The following CTNND2 variants were observed in gnomAD, a reference collection of about 807,000 sequenced individuals.
The protein encoded by CTNND2 is catenin delta-2.
A neutral mutation model predicts 144.4 loss-of-function variants in CTNND2; 22 were observed. The ratio of observed to expected loss-of-function variants is 0.15; its 90% CI spans 0.11 to 0.22. The LOEUF (loss-of-function observed/expected upper bound fraction) is 0.22. CTNND2 is among the 10% of genes least tolerant of loss of function. CTNND2 has a pLI of 1.00. For missense variants in CTNND2, 1,353 were observed against 1,618.8 expected, an observed-to-expected ratio of 0.84 and a Z score of 2.82; for synonymous variants, 751 against 695.6, an observed-to-expected ratio of 1.08 and a Z score of -1.25.
At chr5:11,130,301 C>T (rs764833917) in intron 12 of CTNND2, among the ~76,000 whole-genome samples, 4 of 152,062 alleles carry the variant, frequency 2.6e-5, no homozygotes, top group Non-Finnish European at 4.4e-5. Context: ...CAGAAAGGGA[C>T]GGAGGGCCCC....
chr5:11,354,399 C>A (rs1189065538), intron 8 of CTNND2, among the ~76,000 whole-genome samples: 1 of 152,108 alleles, frequency 6.6e-6, no homozygotes, highest in Non-Finnish European at 1.5e-5. Flanking sequence ...AACAAAATAC[C>A]TTAGCTGGCT....
intron 3 of CTNND2, among the ~76,000 whole-genome samples, chr5:11,431,427 C>T (rs535516323): frequency 6.6e-6 from 1 of 152,340 alleles, no homozygotes; most frequent in South Asian, 2.1e-4. Context: ...CTCGCCTTGT[C>T]TCTGGACTTG....
chr5:11,439,941 G>T (rs1764123006), intron 3 of CTNND2, among the ~76,000 whole-genome samples: 1 of 151,826 alleles, frequency 6.6e-6, no homozygotes, highest in Admixed American at 6.6e-5. Flanking sequence ...AAATTGCTGG[G>T]ATTACAGCCT....
At chr5:11,874,281 A>G (rs965099847) in intron 1 of CTNND2, among the ~76,000 whole-genome samples, 1 of 152,200 alleles carries the variant, frequency 6.6e-6, no homozygotes, top group Non-Finnish European at 1.5e-5. Flanking sequence ...ACTAGTAAAC[A>G]TAAGATAGCA....
Position 11,159,766 on chromosome 5 carries a change from G to A in CTNND2, c.1976-7C>T. ...GAGAGGTTCCAAAGGACTCCTGCAA[G>A]AGACACACAAAAAGAGGTTTTGGGT... On this transcript the variant is annotated splice_region_variant and splice_polypyrimidine_tract_variant and intron_variant, in intron 11 of 21. Transcript: ENST00000304623. 3 of 1,561,934 alleles carry A rather than the reference G, an allele frequency of 1.9e-6. No homozygotes were observed. Among genetic ancestry groups the A allele is most frequent in the Admixed American group, 1.9e-5 (1 of 52,784 alleles).
intron 3 of CTNND2, among the ~76,000 whole-genome samples, chr5:11,488,520 T>C (rs1482944406): frequency 2.0e-5 from 3 of 152,254 alleles, no homozygotes; most frequent in Admixed American, 1.3e-4. Flanking sequence ...TGTAAAAGTT[T>C]AGCTTCTTAA....
In CTNND2 at chr5:11,346,480, T is replaced by G. The variant is rs142843736; in HGVS notation, c.1520A>C (p.Gln507Pro). The G allele has an allele frequency of 2.5e-4, 404 of 1,603,868 alleles. No homozygotes were observed. The highest frequency in any genetic ancestry group is 2.2e-4 in the Non-Finnish European group (256 of 1,175,398). ...TGGAGACTCAACAGAGGGACAATACTGCAGCTGTCGGTAGGGGTCCGCGTA... is the reference window on the plus strand; with the variant it reads ...TGGAGACTCAACAGAGGGACAATACGGCAGCTGTCGGTAGGGGTCCGCGTA... ...SNYADPYRQL[Q>P]YCPSVESPYS... Residue 507 changes from glutamine to proline, a missense_variant, in exon 9 of 22, where the codon CAG (glutamine) becomes CCG (proline). Physicochemically the swap from Gln to Pro is moderately conservative, Grantham distance 76. Transcript: ENST00000304623.
At chr5:11,814,440 G>GT (rs1199389134) in intron 1 of CTNND2, among the ~76,000 whole-genome samples, 1 of 152,222 alleles carries the variant, frequency 6.6e-6, no homozygotes, top group Admixed American at 6.5e-5. Context: ...TAGACTGCTG[G>GT]TTTAAAGAGT....
intron 3 of CTNND2, among the ~76,000 whole-genome samples, chr5:11,508,633 C>T (rs1175340201): frequency 5.9e-5 from 9 of 152,238 alleles, no homozygotes; most frequent in East Asian, 1.9e-4. Context: ...TTCCCAGGGC[C>T]GGGTGCAGTG....
chr5:11,362,764 C>T (rs917941477), intron 8 of CTNND2, among the ~76,000 whole-genome samples: 3 of 152,076 alleles, frequency 2.0e-5, no homozygotes, highest in Non-Finnish European at 1.5e-5. Context: ...CCCTCATAGG[C>T]GGTAGGAAAA....
intron 1 of CTNND2, among the ~76,000 whole-genome samples, chr5:11,893,224 G>C (rs1227836289): frequency 6.6e-6 from 1 of 152,190 alleles, no homozygotes; most frequent in Non-Finnish European, 1.5e-5. Context: ...TCGGCACATG[G>C]AGAAAGGGAA....
chr5:11,381,109 G>A (rs1009259260), intron 7 of CTNND2, among the ~76,000 whole-genome samples: 2 of 152,086 alleles, frequency 1.3e-5, no homozygotes, highest in Non-Finnish European at 2.9e-5. Context: ...GAAAATCTCA[G>A]TGGCTACACC....
intron 18 of CTNND2, among the ~76,000 whole-genome samples, chr5:11,006,704 G>A (rs531292802): frequency 6.6e-6 from 1 of 152,308 alleles, no homozygotes. Context: ...TGTAAGAAAG[G>A]CACCATGAAT....
chr5:11,044,146 G>A (rs551029153), intron 16 of CTNND2, among the ~76,000 whole-genome samples: 6 of 152,212 alleles, frequency 3.9e-5, no homozygotes, highest in South Asian at 4.1e-4. Flanking sequence ...ATGAGGTACC[G>A]TGACAGGAGG....
At chr5:11,603,884 T>C (rs996283394) in intron 2 of CTNND2, among the ~76,000 whole-genome samples, 1 of 152,238 alleles carries the variant, frequency 6.6e-6, no homozygotes, top group Non-Finnish European at 1.5e-5. Context: ...ATTTGATATC[T>C]GCTTCTCTTT....
rs750421771 is a variant in CTNND2 at position 11,110,903 on chromosome 5, A to G, written c.2418T>C (p.Ser806=). 1.9e-6 allele frequency: 3 copies of G among 1,613,982 alleles called. No homozygotes were observed. The African/African-American group carries it at 4.0e-5, about 22-fold the overall frequency. Residue 806 remains serine, a synonymous_variant, in exon 14 of 22, where the codon TCT becomes TCC. Coordinates refer to ENST00000304623, the MANE Select transcript of CTNND2 (RefSeq NM_001332.4). ...TCTTCTTCTTCTTGCCCCAGCACCCAGAGCTCTCAGCATCCTTGCCATTGG... is the reference window on the plus strand; with the variant it reads ...TCTTCTTCTTCTTGCCCCAGCACCCGGAGCTCTCAGCATCCTTGCCATTGG... ...GEANGKDAES[S]GCWGKKKKKK...
At chr5:11,432,178 T>C (rs954154734) in intron 3 of CTNND2, among the ~76,000 whole-genome samples, 5 of 146,394 alleles carry the variant, frequency 3.4e-5, no homozygotes, top group Non-Finnish European at 5.9e-5. Context: ...TTGAGAAAAA[T>C]TGTAGTTTGA....
At chr5:10,995,314 C>A (rs1739221921) in intron 18 of CTNND2, among the ~76,000 whole-genome samples, 1 of 152,150 alleles carries the variant, frequency 6.6e-6, no homozygotes, top group Non-Finnish European at 1.5e-5. Flanking sequence ...CAGTGAACTA[C>A]AGGAAGCATC....
At chr5:11,433,040 C>T (rs868819806) in intron 3 of CTNND2, among the ~76,000 whole-genome samples, 6 of 152,268 alleles carry the variant, frequency 3.9e-5, no homozygotes, top group Admixed American at 1.3e-4. Context: ...GTCAGAAGAT[C>T]GAGACCATCC....
Sources: allele counts gnomAD v4.1 joint callset (sites outside exome capture counted in the v4.1 genomes callset), GRCh38; gene constraint gnomAD v4.1.1; transcripts MANE v1.5; gene names NCBI Gene and HGNC (gene_info 2026-07-23, HGNC 2026-07-21).